Variants in TEKTIP1 observed in about 807,000 individuals in gnomAD.
The protein encoded by TEKTIP1 is tektin bundle-interacting protein 1.
the TEKTIP1 span, chr19:3,543,352 G>C: frequency 6.5e-7 from 1 of 1,549,432 alleles, no homozygotes; most frequent in Non-Finnish European, 8.7e-7. Context: ...ACACAGGCCT[G>C]ACCAACTCGG....
the TEKTIP1 span, chr19:3,542,818 G>C: frequency 4.4e-6 from 6 of 1,373,584 alleles, no homozygotes; most frequent in East Asian, 2.2e-4. Flanking sequence ...CCATGGCTTA[G>C]TGCCAGCCCC....
chr19:3,541,630 A>G, the TEKTIP1 span: 2 of 984,418 alleles, frequency 2.0e-6, no homozygotes, highest in South Asian at 9.4e-5. Flanking sequence ...GCAAGACCCT[A>G]TTTCTATTTT....
At chr19:3,540,089 C>CT in the TEKTIP1 span, 5,232 of 88,158 alleles carry the variant, frequency 0.059, 208 homozygotes, top group Middle Eastern at 0.093. Context: ...CATCTCTTTT[C>CT]TTTTTTTTTT....
chr19:3,543,807 G>C, the TEKTIP1 span: 2 of 1,505,078 alleles, frequency 1.3e-6, no homozygotes, highest in South Asian at 2.5e-5. Flanking sequence ...GGGGCACATG[G>C]TGACCCGAGT....
At chr19:3,543,514 G>A in the TEKTIP1 span, 3 of 1,347,384 alleles carry the variant, frequency 2.2e-6, no homozygotes, top group Non-Finnish European at 2.9e-6. Flanking sequence ...GGGCCTGCCA[G>A]AGGGGGACAG....
chr19:3,544,021 C>G, the TEKTIP1 span: 33 of 1,525,682 alleles, frequency 2.2e-5, no homozygotes, highest in East Asian at 4.9e-5. Context: ...AGGCATGCTA[C>G]CAGGATGCAC....
chr19:3,542,996 A>T, the TEKTIP1 span: 1 of 1,591,048 alleles, frequency 6.3e-7, no homozygotes, highest in African/African-American at 1.3e-5. Context: ...AGAAAGGTTT[A>T]GTGCTGACTT....
At chr19:3,540,297 C>T in the TEKTIP1 span, among the ~76,000 whole-genome samples, 14 of 150,054 alleles carry the variant, frequency 9.3e-5, no homozygotes, top group South Asian at 1.1e-3. Flanking sequence ...TCACTCTTGT[C>T]GCAAGACTGG....
At chr19:3,543,140 A>G in the TEKTIP1 span, 4 of 1,512,354 alleles carry the variant, frequency 2.6e-6, 1 homozygote, top group South Asian at 5.0e-5. Flanking sequence ...GCCGTGGGCC[A>G]GGCCTCTACA....
the TEKTIP1 span, chr19:3,543,651 A>C: frequency 1.3e-6 from 2 of 1,543,154 alleles, no homozygotes; most frequent in Non-Finnish European, 1.7e-6. Flanking sequence ...GCGCTGTGGA[A>C]AGACAGGCCA....
chr19:3,541,807 T>C, the TEKTIP1 span: 1 of 984,406 alleles, frequency 1.0e-6, no homozygotes, highest in African/African-American at 1.8e-5. Flanking sequence ...AATATTATTC[T>C]GTGCTGTTTT....
chr19:3,543,234 G>C, the TEKTIP1 span: 1 of 1,542,446 alleles, frequency 6.5e-7, no homozygotes, highest in Non-Finnish European at 8.7e-7. Flanking sequence ...CCCACCCTCA[G>C]CGATGACTAC....
the TEKTIP1 span, chr19:3,541,513 G>A: frequency 4.4e-6 from 1 of 226,392 alleles, no homozygotes; most frequent in Non-Finnish European, 7.3e-6. Flanking sequence ...AGTAGAGACA[G>A]TGTTTCACCA....
chr19:3,543,941 G>C, the TEKTIP1 span: 1 of 1,551,142 alleles, frequency 6.4e-7, no homozygotes, highest in Non-Finnish European at 8.7e-7. Flanking sequence ...ACCGGGAGTG[G>C]GTCCTGGAAC....
the TEKTIP1 span, chr19:3,541,559 G>T: frequency 1.6e-6 from 1 of 607,144 alleles, no homozygotes; most frequent in Admixed American, 6.3e-5. Flanking sequence ...CTGACCTCAT[G>T]ATCCGCCTGC....
the TEKTIP1 span, chr19:3,543,827 A>C: frequency 1.3e-6 from 2 of 1,523,592 alleles, no homozygotes; most frequent in Non-Finnish European, 1.8e-6. Flanking sequence ...TCCCACCTAC[A>C]GTGCTCAACA....
At chr19:3,543,505 G>C in the TEKTIP1 span, 1 of 1,478,392 alleles carries the variant, frequency 6.8e-7, no homozygotes, top group African/African-American at 1.5e-5. Flanking sequence ...CTGGGCAGCG[G>C]GCCTGCCAGA....
chr19:3,543,983 G>A, the TEKTIP1 span: 360 of 1,547,088 alleles, frequency 2.3e-4, no homozygotes, highest in Non-Finnish European at 2.8e-4. Flanking sequence ...AGCGGTCCCC[G>A]CCTTCCCTCA....
the TEKTIP1 span, chr19:3,543,593 C>T: frequency 1.2e-5 from 18 of 1,544,364 alleles, no homozygotes; most frequent in East Asian, 3.9e-4. Context: ...CTGGCATGAC[C>T]CCATCGTCCC....
Sources: allele counts gnomAD v4.1 joint callset (sites outside exome capture counted in the v4.1 genomes callset), GRCh38; gene constraint gnomAD v4.1.1; transcripts MANE v1.5; gene names NCBI Gene and HGNC (gene_info 2026-07-23, HGNC 2026-07-21).